The following ADRA1A variants were observed in gnomAD, a reference collection of about 807,000 sequenced individuals.
ADRA1A encodes the protein adrenoceptor alpha 1A, also known as alpha-1A adrenergic receptor.
A neutral mutation model predicts 29.6 loss-of-function variants in ADRA1A; 31 were observed. The observed-to-expected ratio is 1.05, with a 90% confidence interval of 0.79 to 1.41. The LOEUF is 1.41. Ranked by LOEUF, ADRA1A falls within the 40% of genes most tolerant of loss-of-function variation. The pLI, the probability that ADRA1A is intolerant of heterozygous loss-of-function variation, is 0.00. For synonymous variants in ADRA1A, 311 were observed against 254.3 expected (o/e 1.22, Z -2.12); for missense variants, 619 against 601.1 (o/e 1.03, Z -0.31).
Position 26,864,670 on chromosome 8 carries a change from G to A in ADRA1A, c.300C>T (p.Asn100=). ...GYWAFGRVFC[N]IWAAVDVLCC... is the part of the protein sequence containing the mutation. The stretch of plus-strand genomic sequence containing the variant: ...ACAGCACATCCACTGCCGCCCAGAT[G>A]TTGCAGAAGACCCTGCCGAAGGCCC... The change falls in exon 2 of 3, where the codon AAC becomes AAT. Residue 100 remains asparagine, a synonymous_variant. Coordinates refer to ENST00000380573, the MANE Select transcript of ADRA1A (RefSeq NM_000680.4). The surrounding 1 kb of genome is among the most constrained non-coding windows in gnomAD (Gnocchi z 8.1). 6.2e-7 allele frequency: 1 copy of A among 1,614,190 alleles called. No homozygotes were observed. The highest frequency in any genetic ancestry group is 8.5e-7 in the Non-Finnish European group (1 of 1,180,044).
chr8:26,790,181 G>A (rs1226836132), intron 2 of ADRA1A, among the ~76,000 whole-genome samples: 1 of 152,048 alleles, frequency 6.6e-6, no homozygotes, highest in Non-Finnish European at 1.5e-5. Flanking sequence ...TGCTATTCAC[G>A]ATAGCCAATA....
chr8:26,857,466 A>C (rs189404169), intron 2 of ADRA1A, among the ~76,000 whole-genome samples: 1 of 152,318 alleles, frequency 6.6e-6, no homozygotes, highest in East Asian at 1.9e-4. Context: ...CAGGAGCTCA[A>C]GACCAGCCTG....
At chr8:26,842,840 A>ACT (rs1286590872) in intron 2 of ADRA1A, among the ~76,000 whole-genome samples, 12 of 118,704 alleles carry the variant, frequency 1.0e-4, no homozygotes, top group African/African-American at 1.7e-4. Flanking sequence ...GTTTTCCATG[A>ACT]CTCTCTCTCT....
downstream of ADRA1A, among the ~76,000 whole-genome samples, chr8:26,767,280 A>G (rs941880470): frequency 1.3e-5 from 2 of 152,196 alleles, no homozygotes; most frequent in Admixed American, 6.5e-5. Flanking sequence ...TCAAACTCCA[A>G]ATAGAAGCAG....
At chr8:26,753,330 G>C (rs1805004385), downstream of ADRA1A, among the ~76,000 whole-genome samples, 2 of 151,942 alleles carry the variant, frequency 1.3e-5, no homozygotes, top group Non-Finnish European at 2.9e-5. Flanking sequence ...CCTGCTACCT[G>C]CCTCTAAACC....
intron 2 of ADRA1A, among the ~76,000 whole-genome samples, chr8:26,862,749 C>T (rs1472673292): frequency 6.6e-6 from 1 of 152,230 alleles, no homozygotes; most frequent in Non-Finnish European, 1.5e-5. Context: ...TATATCTCTG[C>T]TGTCTAAAAC....
Position 26,865,070 on chromosome 8 carries a change from G to A in ADRA1A, c.-101C>T. 2 of 1,507,408 alleles carry A rather than the reference G, an allele frequency of 1.3e-6. No individual in the cohort carries two copies. Among genetic ancestry groups the A allele is most frequent in the South Asian group, 1.3e-5 (1 of 75,002 alleles). 93.4% of individuals were successfully genotyped at this position (1,507,408 alleles called of 1,614,324 possible). A position where few individuals can be genotyped will look rare whatever the true frequency, so the allele number is the denominator to read the frequency against. On this transcript the variant is annotated 5_prime_UTR_variant, in exon 2 of 3. Coordinates refer to ENST00000380573, the MANE Select transcript of ADRA1A (RefSeq NM_000680.4). This position sits in a 1 kb window ranked among gnomAD's most constrained non-coding sequence, Gnocchi z 7.6. ...AGCCGGGAATCAAAAGGTCTCGGCT[G>A]GAGGGAGCCCTGCCAGGTGGGTTTG...
At chr8:26,846,016 C>T (rs1563302494) in intron 2 of ADRA1A, among the ~76,000 whole-genome samples, 4 of 152,052 alleles carry the variant, frequency 2.6e-5, no homozygotes, top group African/African-American at 7.2e-5. Context: ...GATAACATTG[C>T]GAATGTATTA....
chr8:26,783,412 G>T (rs919977686), intron 2 of ADRA1A, among the ~76,000 whole-genome samples: 3 of 152,152 alleles, frequency 2.0e-5, no homozygotes, highest in Non-Finnish European at 2.9e-5. Flanking sequence ...TCACTAGGAT[G>T]TAGGTTAGGG....
chr8:26,864,034 C>A lies in ADRA1A; in HGVS notation c.883+53G>T, dbSNP rs3824230. 0.032 allele frequency: 49,432 copies of A among 1,542,512 alleles called. 1,741 individuals carry two copies. Among genetic ancestry groups the A allele is most frequent in the Admixed American group, 0.17 (8,486 of 50,956 alleles). ...GACTGGGAGTCTGGGGTAACAGAAG[C>A]CGAGGAGGGTGAAGACCCCCAGATG... On this transcript the variant is annotated intron_variant, in intron 2 of 2. Transcript: ENST00000380573. The surrounding 1 kb of genome is among the most constrained non-coding windows in gnomAD (Gnocchi z 8.1).
chr8:26,794,416 T>C (rs1266059131), intron 2 of ADRA1A, among the ~76,000 whole-genome samples: 1 of 152,070 alleles, frequency 6.6e-6, no homozygotes, highest in Non-Finnish European at 1.5e-5. Context: ...GAATCTTGCA[T>C]GAATTTTGGG....
downstream of ADRA1A, among the ~76,000 whole-genome samples, chr8:26,765,256 C>T (rs1324338947): frequency 6.6e-6 from 1 of 152,210 alleles, no homozygotes; most frequent in Non-Finnish European, 1.5e-5. Flanking sequence ...GCAGATAAGG[C>T]CAATTCTCAA....
downstream of ADRA1A, among the ~76,000 whole-genome samples, chr8:26,752,165 G>A (rs1804949788): frequency 6.6e-6 from 1 of 151,990 alleles, no homozygotes; most frequent in Non-Finnish European, 1.5e-5. Flanking sequence ...AGAGCATTTT[G>A]GTAAAGATGC....
chr8:26,816,343 G>A (rs1374008210), intron 2 of ADRA1A, among the ~76,000 whole-genome samples: 1 of 152,190 alleles, frequency 6.6e-6, no homozygotes, highest in African/African-American at 2.4e-5. Context: ...TGGGATCAAA[G>A]CAAATCACTG....
rs139116430 is a variant in ADRA1A at position 26,769,076 on chromosome 8, C to A, written c.*1073G>T. The A allele has an allele frequency of 4.1e-4, 404 of 985,416 alleles. 1 individual carries two copies. The African/African-American group carries it at 6.5e-3, about 16-fold the overall frequency. 61.0% of individuals were successfully genotyped at this position (985,416 alleles called of 1,614,324 possible). Reference sequence around the variant, plus strand: ...ACTTGGATCATAAGGCTCATTCCAACATGCCACAGGTGAAGCTCATTCATT... The same window carrying A: ...ACTTGGATCATAAGGCTCATTCCAAAATGCCACAGGTGAAGCTCATTCATT... On this transcript the variant is annotated 3_prime_UTR_variant, in exon 3 of 3. Coordinates refer to ENST00000380573, the MANE Select transcript of ADRA1A (RefSeq NM_000680.4).
In ADRA1A at chr8:26,769,270, C is replaced by T. The variant is rs935981656; in HGVS notation, c.*879G>A. On this transcript the variant is annotated 3_prime_UTR_variant, in exon 3 of 3. Coordinates refer to ENST00000380573, the MANE Select transcript of ADRA1A (RefSeq NM_000680.4). ...TGTGCAGTAAGTGAACAGCCTCTAT[C>T]TTTGCAAGAAATTAACAGCCACACC... The T allele has an allele frequency of 3.0e-6, 3 of 985,298 alleles. No individual in the cohort carries two copies. Among genetic ancestry groups the T allele is most frequent in the Non-Finnish European group, 3.6e-6 (3 of 829,934 alleles). 61.0% of individuals were successfully genotyped at this position (985,298 alleles called of 1,614,324 possible).
At chr8:26,853,441 A>G (rs142601368) in intron 2 of ADRA1A, among the ~76,000 whole-genome samples, 4 of 152,342 alleles carry the variant, frequency 2.6e-5, no homozygotes, top group African/African-American at 9.6e-5. Context: ...GAAAAAGAAT[A>G]TTCATCCAGG....
chr8:26,814,791 T>C (rs1281884181), intron 2 of ADRA1A, among the ~76,000 whole-genome samples: 1 of 152,218 alleles, frequency 6.6e-6, no homozygotes, highest in African/African-American at 2.4e-5. Flanking sequence ...TAACTTTCTA[T>C]TTTGTATTTT....
Position 26,807,080 on chromosome 8 carries a change from C to T in ADRA1A, c.884-36414G>A, listed in dbSNP as rs183839877. Among the ~76,000 whole-genome samples the T allele has an allele frequency of 9.2e-5, 14 of 152,254 alleles. No individual in the cohort carries two copies. In the East Asian group the frequency reaches 1.5e-3, roughly 17 times the overall value. ...TCAAGTTTCTTGTATCAAGTAGAAA[C>T]GACACAAAAAGAAGCCTTGTAATAC... On this transcript the variant is annotated intron_variant, in intron 2 of 2. Transcript: ENST00000380573.
Sources: allele counts gnomAD v4.1 joint callset (sites outside exome capture counted in the v4.1 genomes callset), GRCh38; gene constraint gnomAD v4.1.1; non-coding constraint Gnocchi (gnomAD v3.1); transcripts MANE v1.5; gene names NCBI Gene and HGNC (gene_info 2026-07-23, HGNC 2026-07-21).